NEK6: variants seen among roughly 807,000 people sequenced by gnomAD.
NEK6 encodes serine/threonine-protein kinase Nek6.
In NEK6, 27 loss-of-function variants were observed where a neutral mutation model predicts 43.5. The observed-to-expected ratio is 0.62, with a 90% CI of 0.46 to 0.86. The LOEUF (loss-of-function observed/expected upper bound fraction) is 0.86. Among genes scored for constraint, NEK6 ranks in the 40% least tolerant of loss-of-function variants. The pLI, the probability that NEK6 is intolerant of heterozygous loss-of-function variation, is 0.00. For synonymous variants in NEK6, 167 were observed against 164.1 expected (o/e 1.02, Z -0.14); for missense variants, 318 against 414.4 (o/e 0.77, Z 2.02).
intron 4 of NEK6, among the ~76,000 whole-genome samples, chr9:124,316,272 G>A (rs1833814316): frequency 6.6e-6 from 1 of 152,268 alleles, no homozygotes; most frequent in Non-Finnish European, 1.5e-5. Context: ...GGACAAGAAG[G>A]TGGGTCCTGT....
At chr9:124,267,665 G>T (rs900444249) in intron 1 of NEK6, among the ~76,000 whole-genome samples, 2 of 152,188 alleles carry the variant, frequency 1.3e-5, no homozygotes, top group African/African-American at 4.8e-5. Context: ...GTGCTGGGCC[G>T]CCCCTGAGCT....
chr9:124,348,482 C>T (rs1830071312), intron 9 of NEK6, among the ~76,000 whole-genome samples: 1 of 152,132 alleles, frequency 6.6e-6, no homozygotes, highest in African/African-American at 2.4e-5. Flanking sequence ...GGTTTCCTGG[C>T]ACAGCAGGGT....
chr9:124,316,085 A>C (rs1833806457), intron 4 of NEK6, among the ~76,000 whole-genome samples: 1 of 152,212 alleles, frequency 6.6e-6, no homozygotes, highest in South Asian at 2.1e-4. Flanking sequence ...CCCACTCCAC[A>C]GGTAGCCCAT....
intron 4 of NEK6, among the ~76,000 whole-genome samples, chr9:124,319,530 G>A (rs1833967276): frequency 6.6e-6 from 1 of 152,182 alleles, no homozygotes; most frequent in South Asian, 2.1e-4. Flanking sequence ...TCTTTGTCAA[G>A]GCTAACGCTG....
chr9:124,351,362 C>G lies in NEK6; in HGVS notation c.*415C>G. Reference sequence around the variant, plus strand: ...GTGAGCCTTTGAAAATGGTTAGTACCGGGTTCAGTTTAGTTCTTAGTATCT... The same window carrying G: ...GTGAGCCTTTGAAAATGGTTAGTACGGGGTTCAGTTTAGTTCTTAGTATCT... On this transcript the variant is annotated 3_prime_UTR_variant, in exon 10 of 10. Transcript: ENST00000320246. The G allele has an allele frequency of 5.8e-6, 1 of 173,172 alleles. No homozygotes were observed. Among genetic ancestry groups the G allele is most frequent in the Non-Finnish European group, 1.2e-5 (1 of 81,198 alleles). 10.7% of individuals were successfully genotyped at this position (173,172 alleles called of 1,614,324 possible). A position where few individuals can be genotyped will look rare whatever the true frequency, so the allele number is the denominator to read the frequency against.
chr9:124,307,772 C>T (rs1190604155), intron 2 of NEK6, among the ~76,000 whole-genome samples: 1 of 152,172 alleles, frequency 6.6e-6, no homozygotes, highest in Non-Finnish European at 1.5e-5. Context: ...TCCTGGGTGA[C>T]AAAGTCGCAA....
intron 8 of NEK6, among the ~76,000 whole-genome samples, chr9:124,341,125 C>T (rs1564660765): frequency 2.6e-5 from 4 of 152,156 alleles, no homozygotes; most frequent in Admixed American, 1.3e-4. Context: ...TCACTGCGGC[C>T]TCCACCTCCC....
intron 1 of NEK6, among the ~76,000 whole-genome samples, chr9:124,271,355 C>G (rs780451623): frequency 4.6e-5 from 7 of 152,234 alleles, no homozygotes; most frequent in Non-Finnish European, 7.3e-5. Flanking sequence ...CACCAGCTGT[C>G]ACGCTGTTCC....
Position 124,328,911 on chromosome 9 carries a change from A to G in NEK6, c.622+1466A>G, listed in dbSNP as rs190236805. 5.7e-4 allele frequency among the ~76,000 whole-genome samples: 86 copies of G among 152,184 alleles called. No individual in the cohort carries two copies. In the East Asian group the frequency reaches 8.3e-3, roughly 15 times the overall value. On this transcript the variant is annotated intron_variant, in intron 7 of 9. Coordinates refer to ENST00000320246, the MANE Select transcript of NEK6 (RefSeq NM_014397.6). The stretch of plus-strand genomic sequence containing the variant: ...GAAGATGTGTAGGGACCCACCCCCC[A>G]GGGAGTATGGGACGTTCCACTCATG...
At chr9:124,294,491 CAAAAA>C (rs11315005) in intron 1 of NEK6, among the ~76,000 whole-genome samples, 1 of 133,000 alleles carries the variant, frequency 7.5e-6, no homozygotes, top group African/African-American at 2.9e-5. Flanking sequence ...GACTCCATCT[CAAAAA>C]AAAAAAAAAA....
chr9:124,347,806 A>T lies in NEK6; in HGVS notation c.815A>T (p.Glu272Val). The change falls in exon 9 of 10, where the codon GAG becomes GTG. Residue 272 changes from glutamate (E) to valine (V), a missense_variant. Glu to Val is a moderately radical substitution (Grantham distance 121). This residue lies in a region of NEK6 where 79 missense variants were observed against 70.0 expected (regional missense o/e 1.13). Coordinates refer to ENST00000320246, the MANE Select transcript of NEK6 (RefSeq NM_014397.6). ...EQCDYPPLPGEHYSEKLRELV... is the reference protein window; with the variant it reads ...EQCDYPPLPGVHYSEKLRELV... ...TGTGACTACCCCCCACTCCCCGGGGAGCACTACTCCGAGAAGGTGAGTTTG... is the reference window on the plus strand; with the variant it reads ...TGTGACTACCCCCCACTCCCCGGGGTGCACTACTCCGAGAAGGTGAGTTTG... 1 of 1,610,292 alleles carries T rather than the reference A, an allele frequency of 6.2e-7. No individual in the cohort carries two copies. Among genetic ancestry groups the T allele is most frequent in the Non-Finnish European group, 8.5e-7 (1 of 1,177,238 alleles).
intron 7 of NEK6, among the ~76,000 whole-genome samples, chr9:124,334,524 G>A (rs1012959043): frequency 1.3e-5 from 2 of 152,198 alleles, no homozygotes; most frequent in African/African-American, 4.8e-5. Flanking sequence ...CTGCCCACGT[G>A]CCCAGGCTTT....
intron 7 of NEK6, 91 bp from the exon 8 acceptor site, chr9:124,339,480 G>A (rs1588538773): frequency 1.2e-6 from 1 of 853,426 alleles, no homozygotes; most frequent in East Asian, 2.4e-5. Flanking sequence ...TCTCTCCCCA[G>A]CTCCCGTGTG....
chr9:124,294,344 GTTTC>G (rs1161289240), intron 1 of NEK6, among the ~76,000 whole-genome samples: 1 of 152,192 alleles, frequency 6.6e-6, no homozygotes, highest in Non-Finnish European at 1.5e-5. Context: ...CTTGTGCTAA[GTTTC>G]TTTCTGTAAT....
chr9:124,280,850 T>A (rs1831872385), intron 1 of NEK6, among the ~76,000 whole-genome samples: 1 of 152,192 alleles, frequency 6.6e-6, no homozygotes, highest in South Asian at 2.1e-4. Context: ...TGGAGGGTAG[T>A]GTCGTGATCT....
At chr9:124,315,116 G>A (rs10818942) in intron 4 of NEK6, among the ~76,000 whole-genome samples, 61,333 of 152,176 alleles carry the variant, frequency 0.4, 12,578 homozygotes, top group South Asian at 0.59. Flanking sequence ...CTGCTCTTGG[G>A]GACTTCCAGG....
At chr9:124,290,493 C>T (rs1247687009) in intron 1 of NEK6, among the ~76,000 whole-genome samples, 1 of 152,276 alleles carries the variant, frequency 6.6e-6, no homozygotes, top group Middle Eastern at 3.2e-3. Context: ...ACGCGTCCTC[C>T]AGGGCCTCAG....
chr9:124,344,454 CGGGT>C (rs1564663889), intron 8 of NEK6, among the ~76,000 whole-genome samples: 2 of 152,198 alleles, frequency 1.3e-5, no homozygotes, highest in Admixed American at 1.3e-4. Flanking sequence ...ACCTGGCCCT[CGGGT>C]GGGGCCCCAG....
chr9:124,307,763 C>A (rs1833329209), intron 2 of NEK6, among the ~76,000 whole-genome samples: 1 of 152,204 alleles, frequency 6.6e-6, no homozygotes, highest in Non-Finnish European at 1.5e-5. Flanking sequence ...GACAAATGGT[C>A]CTGGGTGACA....
Sources: gnomAD v4.1 joint callset for allele counts (sites outside exome capture counted in the v4.1 genomes callset) on GRCh38, gnomAD v4.1.1 for gene constraint, gnomAD v4.1.1 regional missense constraint, MANE v1.5 for transcripts, NCBI Gene and HGNC (gene_info 2026-07-23, HGNC 2026-07-21) for gene names.